TSHZ2: variants seen among roughly 807,000 people sequenced by gnomAD.
The protein encoded by TSHZ2 is teashirt zinc finger homeobox 2, also known as teashirt homolog 2.
Under a neutral mutation model 74.4 loss-of-function variants are expected in TSHZ2, and 21 were observed. The observed-to-expected ratio is 0.28, with a 90% CI of 0.20 to 0.41. The LOEUF (loss-of-function observed/expected upper bound fraction) is 0.41, where lower values mean the gene tolerates loss of function less well. Ranked by LOEUF, TSHZ2 falls within the 10% of genes least tolerant of loss-of-function variation. TSHZ2 has a pLI of 1.00. For synonymous variants in TSHZ2, 540 were observed against 515.3 expected (o/e 1.05, Z -0.65); for missense variants, 1,244 against 1,293.5 (o/e 0.96, Z 0.59).
At chr20:53,303,344 A>G (rs1978386679) in intron 2 of TSHZ2, among the ~76,000 whole-genome samples, 1 of 152,246 alleles carries the variant, frequency 6.6e-6, no homozygotes, top group Non-Finnish European at 1.5e-5. Context: ...TCAGTTACAC[A>G]AATATTTCCT....
At chr20:53,226,084 A>G (rs1406666074) in intron 1 of TSHZ2, among the ~76,000 whole-genome samples, 3 of 152,056 alleles carry the variant, frequency 2.0e-5, no homozygotes, top group Non-Finnish European at 2.9e-5. Context: ...GATGAAAACC[A>G]TAAGTTTAAA....
chr20:52,977,368 G>A (rs1216732774), intron 1 of TSHZ2, among the ~76,000 whole-genome samples: 2 of 151,438 alleles, frequency 1.3e-5, no homozygotes, highest in Non-Finnish European at 2.9e-5. Context: ...TATCTCACGC[G>A]ATGGATTCCT....
At chr20:53,091,987 A>G (rs550739941) in intron 1 of TSHZ2, among the ~76,000 whole-genome samples, 1 of 152,334 alleles carries the variant, frequency 6.6e-6, no homozygotes, top group Non-Finnish European at 1.5e-5. Context: ...TCAAGGTTGC[A>G]GTGAGCCATG....
At chr20:53,324,354 T>C (rs981179633) in intron 2 of TSHZ2, among the ~76,000 whole-genome samples, 2 of 152,086 alleles carry the variant, frequency 1.3e-5, no homozygotes, top group African/African-American at 2.4e-5. Context: ...TTTCCTTTTC[T>C]ACTTTTTGTT....
intron 1 of TSHZ2, among the ~76,000 whole-genome samples, chr20:53,191,118 T>C (rs887156212): frequency 6.6e-6 from 1 of 152,188 alleles, no homozygotes; most frequent in Non-Finnish European, 1.5e-5. Context: ...GGGTTTGTTA[T>C]GTATTATCAA....
rs75784361 is a variant in TSHZ2 at position 53,327,861 on chromosome 20, G to A, written c.*8+71290G>A. 4.6e-3 allele frequency among the ~76,000 whole-genome samples: 695 copies of A among 152,350 alleles called. 6 individuals carry two copies. The highest frequency in any genetic ancestry group is 0.016 in the African/African-American group (656 of 41,582). On this transcript the variant is annotated intron_variant, in intron 2 of 2. Transcript: ENST00000371497. ...GGATGACAAGGAAGTCCTGACCAAT[G>A]TGAGACCTGTGCAGTGAGGAGTCAG...
intron 2 of TSHZ2, among the ~76,000 whole-genome samples, chr20:53,349,283 A>G (rs1055741973): frequency 6.6e-6 from 1 of 152,254 alleles, no homozygotes; most frequent in African/African-American, 2.4e-5. Flanking sequence ...CAAGCATTAG[A>G]AACAATGCCC....
chr20:53,418,291 G>C (rs571290674), intron 2 of TSHZ2, among the ~76,000 whole-genome samples: 6 of 152,260 alleles, frequency 3.9e-5, no homozygotes, highest in African/African-American at 1.4e-4. Context: ...AAGCCTCTAC[G>C]TGGTCCTGGA....
chr20:53,396,864 CAGAG>C (rs1982469301), intron 2 of TSHZ2, among the ~76,000 whole-genome samples: 1 of 120,294 alleles, frequency 8.3e-6, no homozygotes, highest in Non-Finnish European at 1.7e-5. Flanking sequence ...AAAAAAAAAA[CAGAG>C]AGAGAATGCT....
At chr20:53,438,778 T>A (rs1486234523) in intron 2 of TSHZ2, among the ~76,000 whole-genome samples, 3 of 152,150 alleles carry the variant, frequency 2.0e-5, no homozygotes, top group Non-Finnish European at 2.9e-5. Context: ...CTGACCAACA[T>A]GATGAAACCC....
chr20:53,151,416 A>T (rs2123441072), intron 1 of TSHZ2, among the ~76,000 whole-genome samples: 1 of 152,266 alleles, frequency 6.6e-6, no homozygotes, highest in Admixed American at 6.5e-5. Context: ...CAAATCTACA[A>T]ATTCCTCAAC....
At chr20:53,050,103 G>GTGTATATATATATA (rs1555819290) in intron 1 of TSHZ2, among the ~76,000 whole-genome samples, 12 of 116,046 alleles carry the variant, frequency 1.0e-4, no homozygotes, top group African/African-American at 4.7e-4. Context: ...GTATATGTGT[G>GTGTATATATATATA]TATATATATA....
In TSHZ2 at chr20:53,374,407, T is replaced by G. The variant is rs571884274; in HGVS notation, c.*9-112737T>G. ...AGTCTACCACTGATAGGCATTTAGG[T>G]TGATCCCATGTCTTTACCATTGTGA... On this transcript the variant is annotated intron_variant, in intron 2 of 2. Transcript: ENST00000371497. Among the ~76,000 whole-genome samples the G allele has an allele frequency of 4.9e-4, 74 of 152,360 alleles. No individual in the cohort carries two copies. The Middle Eastern group carries it at 0.014, about 28-fold the overall frequency.
chr20:53,015,307 G>A (rs138111358), intron 1 of TSHZ2, among the ~76,000 whole-genome samples: 12 of 152,062 alleles, frequency 7.9e-5, no homozygotes, highest in Admixed American at 2.6e-4. Flanking sequence ...TTCATTTCTT[G>A]TACGGGAACA....
chr20:53,139,238 G>C (rs755165253), intron 1 of TSHZ2, among the ~76,000 whole-genome samples: 1 of 152,216 alleles, frequency 6.6e-6, no homozygotes, highest in Non-Finnish European at 1.5e-5. Flanking sequence ...CCAGAGCAGA[G>C]ACTAAGGCTA....
intron 1 of TSHZ2, among the ~76,000 whole-genome samples, chr20:53,156,913 T>C (rs969804695): frequency 4.6e-5 from 7 of 152,218 alleles, no homozygotes; most frequent in East Asian, 1.9e-4. Flanking sequence ...TGGGGACAGA[T>C]ACCATCTCAC....
rs1416074144 is a variant in TSHZ2 at position 53,436,523 on chromosome 20, AT to A, written c.*9-50618del. On this transcript the variant is annotated intron_variant, in intron 2 of 2. Transcript: ENST00000371497. ...TCTGGCCCCAGGGCTTATTTTATTTATTTATTATTATTATTATTATTATTAT... is the reference window on the plus strand; with the variant it reads ...TCTGGCCCCAGGGCTTATTTTATTTATTATTATTATTATTATTATTATTAT... Among the ~76,000 whole-genome samples the A allele has an allele frequency of 3.4e-4, 34 of 99,686 alleles. 1 individual carries two copies. The highest frequency in any genetic ancestry group is 1.6e-3 in the Admixed American group (15 of 9,594). The allele number at this position is 99,686 out of a possible 152,430, so 65.4% of individuals were successfully genotyped here. A position where few individuals can be genotyped will look rare whatever the true frequency, so the allele number is the denominator to read the frequency against.
intron 2 of TSHZ2, among the ~76,000 whole-genome samples, chr20:53,366,362 C>A (rs959764363): frequency 6.6e-6 from 1 of 152,124 alleles, no homozygotes; most frequent in African/African-American, 2.4e-5. Context: ...GTCCACCTAT[C>A]GTAAAAGTTA....
At chr20:53,444,982 T>C (rs544582216) in intron 2 of TSHZ2, among the ~76,000 whole-genome samples, 2 of 152,346 alleles carry the variant, frequency 1.3e-5, no homozygotes, top group South Asian at 2.1e-4. Context: ...GTCATGAGCA[T>C]TGAGGCCGAT....
Sources: gnomAD v4.1 joint callset for allele counts (sites outside exome capture counted in the v4.1 genomes callset) on GRCh38, gnomAD v4.1.1 for gene constraint, MANE v1.5 for transcripts, NCBI Gene and HGNC (gene_info 2026-07-23, HGNC 2026-07-21) for gene names.